The following DCDC1 variants were observed in gnomAD, a reference collection of about 807,000 sequenced individuals.
DCDC1 encodes the protein doublecortin domain-containing protein 1.
In DCDC1, 200 loss-of-function variants were observed where a neutral mutation model predicts 178.3. That is an observed-to-expected ratio of 1.12 (90% CI 1.00 to 1.26). The LOEUF (loss-of-function observed/expected upper bound fraction) is 1.26, where lower values mean the gene tolerates loss of function less well. Among genes scored for constraint, DCDC1 ranks in the 50% most tolerant of loss-of-function variants. The pLI is 0.00. For synonymous variants in DCDC1, 690 were observed against 604.8 expected (o/e 1.14, Z -2.07); for missense variants, 1,983 against 1,749.2 (o/e 1.13, Z -2.38).
chr11:31,225,209 A>C (rs533512196), intron 9 of DCDC1, among the ~76,000 whole-genome samples: 20 of 152,300 alleles, frequency 1.3e-4, no homozygotes, highest in Non-Finnish European at 2.1e-4. Flanking sequence ...TGGCCTTTGC[A>C]GCAACTTGAA....
At chr11:30,884,944 C>T (rs1180665407) in intron 36 of DCDC1, among the ~76,000 whole-genome samples, 1 of 151,826 alleles carries the variant, frequency 6.6e-6, no homozygotes, top group African/African-American at 2.4e-5. Context: ...ACTGTAATTC[C>T]AAAATTCATC....
intron 9 of DCDC1, among the ~76,000 whole-genome samples, chr11:31,181,888 A>G (rs1230614682): frequency 6.6e-6 from 1 of 152,242 alleles, no homozygotes; most frequent in Non-Finnish European, 1.5e-5. Context: ...AGTTTAGAAA[A>G]GAACATATAT....
At chr11:31,166,674 G>C (rs1374305090) in intron 9 of DCDC1, among the ~76,000 whole-genome samples, 1 of 151,946 alleles carries the variant, frequency 6.6e-6, no homozygotes, top group Non-Finnish European at 1.5e-5. Flanking sequence ...GAGAGAAAGA[G>C]AAAGATAAAA....
chr11:31,202,765 A>T (rs1971440210), intron 9 of DCDC1, among the ~76,000 whole-genome samples: 1 of 152,168 alleles, frequency 6.6e-6, no homozygotes, highest in Non-Finnish European at 1.5e-5. Flanking sequence ...AAGCAGACAG[A>T]GTTTGTTGAG....
intron 7 of DCDC1, among the ~76,000 whole-genome samples, chr11:31,290,230 T>C (rs1231575855): frequency 6.6e-6 from 1 of 152,018 alleles, no homozygotes; most frequent in Non-Finnish European, 1.5e-5. Flanking sequence ...TTGCTAATTC[T>C]TTAGAGGAGC....
At chr11:31,201,632 C>G (rs1469182210) in intron 9 of DCDC1, among the ~76,000 whole-genome samples, 1 of 149,128 alleles carries the variant, frequency 6.7e-6, no homozygotes, top group East Asian at 2.0e-4. Flanking sequence ...GAGGTGGTGC[C>G]CAAACTAAAA....
intron 20 of DCDC1, among the ~76,000 whole-genome samples, chr11:31,006,323 T>C (rs188959532): frequency 3.7e-4 from 56 of 152,290 alleles, no homozygotes; most frequent in Non-Finnish European, 6.5e-4. Context: ...GTGGATTGCC[T>C]CCAAGGGTTA....
At chr11:30,930,296 A>C (rs1946847031) in intron 22 of DCDC1, among the ~76,000 whole-genome samples, 1 of 152,094 alleles carries the variant, frequency 6.6e-6, no homozygotes, top group Non-Finnish European at 1.5e-5. Flanking sequence ...GCCACCCTGC[A>C]ATGTAACCCA....
At position 30,919,433 on chromosome 11, in the gene DCDC1, C is replaced by A. The variant is rs373987618; in HGVS notation, c.3293+1343G>T. Reference sequence around the variant, plus strand: ...CCAATCACTTTTAACCTCAAGGACTCCAGGCCTTCATGAAATCTCTGATTC... The same window carrying A: ...CCAATCACTTTTAACCTCAAGGACTACAGGCCTTCATGAAATCTCTGATTC... On this transcript the variant is annotated intron_variant, in intron 25 of 38. Coordinates refer to ENST00000684477, the MANE Select transcript of DCDC1 (RefSeq NM_001387274.1). 1.9e-4 allele frequency among the ~76,000 whole-genome samples: 29 copies of A among 152,256 alleles called. No individual in the cohort carries two copies. The East Asian group carries it at 5.4e-3, about 28-fold the overall frequency.
At chr11:31,271,772 C>T (rs1386578832) in intron 7 of DCDC1, among the ~76,000 whole-genome samples, 5 of 152,088 alleles carry the variant, frequency 3.3e-5, no homozygotes, top group African/African-American at 1.2e-4. Context: ...AGAGGCCTCA[C>T]AATAATGGTG....
chr11:30,878,773 A>T (rs1343447877), intron 37 of DCDC1, 62 bp from the exon 38 acceptor site: 1 of 1,466,196 alleles, frequency 6.8e-7, no homozygotes, highest in African/African-American at 1.4e-5. Flanking sequence ...AATAATTAAA[A>T]GTCCAGGATG....
chr11:30,971,472 C>T (rs290059), intron 20 of DCDC1, among the ~76,000 whole-genome samples: 7 of 151,868 alleles, frequency 4.6e-5, no homozygotes, highest in African/African-American at 1.7e-4. Flanking sequence ...AGATAGATAT[C>T]ATTACAAAAG....
At chr11:30,983,698 T>G (rs942919330) in intron 20 of DCDC1, among the ~76,000 whole-genome samples, 2 of 152,208 alleles carry the variant, frequency 1.3e-5, no homozygotes, top group African/African-American at 2.4e-5. Context: ...TAAGTTCAAT[T>G]TGCTATTTTC....
Position 31,184,103 on chromosome 11 carries a change from A to C in DCDC1, c.1222-46319T>G, listed in dbSNP as rs567870245. Among the ~76,000 whole-genome samples, 4 of 152,314 alleles carry C rather than the reference A, an allele frequency of 2.6e-5. No individual in the cohort carries two copies. In the East Asian group the frequency reaches 7.7e-4, roughly 29 times the overall value. On this transcript the variant is annotated intron_variant, in intron 9 of 38. Transcript: ENST00000684477. ...CCAAAACAGATATACAGACCAATGG[A>C]ACAGAACAGATGCCTCAGAAATAAC...
intron 9 of DCDC1, among the ~76,000 whole-genome samples, chr11:31,145,358 G>A (rs1190989614): frequency 2.0e-5 from 3 of 152,290 alleles, no homozygotes; most frequent in East Asian, 1.9e-4. Flanking sequence ...AGAAATACTC[G>A]AAGATAGGAA....
Position 31,073,596 on chromosome 11 carries a change from CAAG to C in DCDC1, c.2298+4266_2298+4268del, listed in dbSNP as rs200568470. Among the ~76,000 whole-genome samples, 727 of 152,066 alleles carry C rather than the reference CAAG, an allele frequency of 4.8e-3. 12 individuals are homozygous for C. The highest frequency in any genetic ancestry group is 6.8e-3 in the Middle Eastern group (2 of 294). Reference sequence around the variant, plus strand: ...TAAAAATTCTACTTTTTATTTTTACCAAGAAGTACAAGACTCCTTCTTCATCTA... The same window carrying C: ...TAAAAATTCTACTTTTTATTTTTACCAAGTACAAGACTCCTTCTTCATCTA... On this transcript the variant is annotated intron_variant, in intron 18 of 38. Coordinates refer to ENST00000684477, the MANE Select transcript of DCDC1 (RefSeq NM_001387274.1).
At chr11:30,991,877 T>C (rs1258585607) in intron 20 of DCDC1, among the ~76,000 whole-genome samples, 2 of 152,158 alleles carry the variant, frequency 1.3e-5, no homozygotes, top group Non-Finnish European at 2.9e-5. Context: ...GGGAAAAGAA[T>C]TTAAATGTAC....
At position 31,130,988 on chromosome 11, in the gene DCDC1, C is replaced by G. The variant is rs1962362649; in HGVS notation, c.1315-3349G>C. 5.6e-5 allele frequency among the ~76,000 whole-genome samples: 2 copies of G among 35,568 alleles called. 1 individual carries two copies. Among genetic ancestry groups the G allele is most frequent in the African/African-American group, 1.7e-4 (2 of 11,796 alleles). 23.3% of individuals were successfully genotyped at this position (35,568 alleles called of 152,430 possible). A position where few individuals can be genotyped will look rare whatever the true frequency, so the allele number is the denominator to read the frequency against. On this transcript the variant is annotated intron_variant, in intron 10 of 38. Transcript: ENST00000684477. The stretch of plus-strand genomic sequence containing the variant: ...ATGAGGTCAGGAGATCGAGACCATC[C>G]TGGCTAACAAGGTGAAACCCCGTCT...
At chr11:31,307,043 T>C (rs1948507783) in intron 4 of DCDC1, among the ~76,000 whole-genome samples, 1 of 152,176 alleles carries the variant, frequency 6.6e-6, no homozygotes, top group African/African-American at 2.4e-5. Context: ...CATAATTCTC[T>C]AACTAACCAA....
Sources: gnomAD v4.1 joint callset for allele counts (sites outside exome capture counted in the v4.1 genomes callset) on GRCh38, gnomAD v4.1.1 for gene constraint, MANE v1.5 for transcripts, NCBI Gene and HGNC (gene_info 2026-07-23, HGNC 2026-07-21) for gene names.